FNDC3B: variants seen among roughly 807,000 people sequenced by gnomAD.
FNDC3B encodes fibronectin type III domain containing 3B.
FNDC3B carries 12 observed loss-of-function variants against 151.5 expected under a neutral mutation model. The ratio of observed to expected loss-of-function variants is 0.08; its 90% CI spans 0.05 to 0.13. FNDC3B has a LOEUF of 0.13. Among genes scored for constraint, FNDC3B ranks in the 10% least tolerant of loss-of-function variants. FNDC3B has a pLI of 1.00. For synonymous variants in FNDC3B, 528 were observed against 549.0 expected (o/e 0.96, Z 0.54); for missense variants, 1,214 against 1,505.3 (o/e 0.81, Z 3.20).
chr3:172,319,408 TTTTC>T (rs1731973043), intron 11 of FNDC3B, among the ~76,000 whole-genome samples: 1 of 151,910 alleles, frequency 6.6e-6, no homozygotes, highest in African/African-American at 2.4e-5. Flanking sequence ...CATAGGAAAA[TTTTC>T]TTTGTGTGTT....
chr3:172,215,995 G>A (rs1725957689), intron 3 of FNDC3B, among the ~76,000 whole-genome samples: 1 of 149,104 alleles, frequency 6.7e-6, no homozygotes, highest in African/African-American at 2.5e-5. Context: ...TCCGTCTTGA[G>A]TTTGTTATTA....
intron 1 of FNDC3B, among the ~76,000 whole-genome samples, chr3:172,103,885 C>T (rs983923661): frequency 6.6e-6 from 1 of 152,280 alleles, no homozygotes; most frequent in East Asian, 1.9e-4. Context: ...TGGGCACATA[C>T]CTCCAGGTAC....
chr3:172,181,916 G>A (rs77566766), intron 3 of FNDC3B, among the ~76,000 whole-genome samples: 3,199 of 150,268 alleles, frequency 0.021, 41 homozygotes, highest in Non-Finnish European at 0.034. Flanking sequence ...TAGTCTCAGT[G>A]TTTCCCAGAC....
chr3:172,263,850 A>G (rs76942624), intron 6 of FNDC3B, among the ~76,000 whole-genome samples: 4 of 152,192 alleles, frequency 2.6e-5, no homozygotes, highest in African/African-American at 9.6e-5. Context: ...TTGCTATTGC[A>G]TTAGCATTCC....
rs536282678 is a variant in FNDC3B at position 172,280,010 on chromosome 3, G to A, written c.791-5916G>A. 2.1e-4 allele frequency among the ~76,000 whole-genome samples: 32 copies of A among 152,208 alleles called. No individual in the cohort carries two copies. The South Asian group carries it at 6.0e-3, about 29-fold the overall frequency. ...CTCACTGCAGGCTTCAACTCCTCGG[G>A]TTCTAGCGATCCTCCCACCTCAGCC... On this transcript the variant is annotated intron_variant, in intron 6 of 25. Coordinates refer to ENST00000415807, the MANE Select transcript of FNDC3B (RefSeq NM_022763.4).
intron 21 of FNDC3B, among the ~76,000 whole-genome samples, chr3:172,350,936 T>G (rs1378315691): frequency 6.6e-6 from 1 of 152,220 alleles, no homozygotes; most frequent in African/African-American, 2.4e-5. Flanking sequence ...AAAACTAAGT[T>G]TTAGAGTACA....
At chr3:172,355,722 G>C (rs1476669919) in intron 22 of FNDC3B, among the ~76,000 whole-genome samples, 1 of 152,186 alleles carries the variant, frequency 6.6e-6, no homozygotes, top group Non-Finnish European at 1.5e-5. Flanking sequence ...ACATCATTAC[G>C]TTATAATGTC....
intron 6 of FNDC3B, among the ~76,000 whole-genome samples, chr3:172,273,474 A>G (rs1729296827): frequency 6.6e-6 from 1 of 152,090 alleles, no homozygotes; most frequent in Non-Finnish European, 1.5e-5. Flanking sequence ...TGTTCATTCT[A>G]TCTGATCATA....
At chr3:172,295,091 A>G (rs1249316248) in intron 7 of FNDC3B, among the ~76,000 whole-genome samples, 5 of 152,238 alleles carry the variant, frequency 3.3e-5, no homozygotes, top group Non-Finnish European at 7.3e-5. Flanking sequence ...ACGTTAAAAA[A>G]AAATTCCCTC....
intron 1 of FNDC3B, among the ~76,000 whole-genome samples, chr3:172,094,895 C>T (rs1173914424): frequency 1.3e-5 from 2 of 151,684 alleles, no homozygotes; most frequent in African/African-American, 4.8e-5. Flanking sequence ...ACAGAAGGGA[C>T]ATGACAGGGA....
intron 1 of FNDC3B, among the ~76,000 whole-genome samples, chr3:172,058,668 G>T (rs1420991524): frequency 6.6e-6 from 1 of 152,110 alleles, no homozygotes; most frequent in African/African-American, 2.4e-5. Flanking sequence ...GAAAGGACTT[G>T]CTTGAAATCA....
intron 3 of FNDC3B, among the ~76,000 whole-genome samples, chr3:172,140,498 A>C (rs1397683294): frequency 1.3e-5 from 2 of 152,226 alleles, no homozygotes. Flanking sequence ...ACTGATGCAC[A>C]GCTATTTGTT....
chr3:172,143,711 C>G (rs1721749721), intron 3 of FNDC3B, among the ~76,000 whole-genome samples: 1 of 151,872 alleles, frequency 6.6e-6, no homozygotes, highest in South Asian at 2.1e-4. Flanking sequence ...GAGATTGAGA[C>G]CATCCTGGCC....
At chr3:172,109,703 C>G (rs1201413848) in intron 1 of FNDC3B, among the ~76,000 whole-genome samples, 3 of 152,212 alleles carry the variant, frequency 2.0e-5, no homozygotes, top group African/African-American at 4.8e-5. Context: ...CTCCCTGTCT[C>G]CCCTTCCTCC....
intron 11 of FNDC3B, among the ~76,000 whole-genome samples, chr3:172,314,266 C>T (rs1046626912): frequency 3.3e-5 from 5 of 152,180 alleles, no homozygotes; most frequent in African/African-American, 1.2e-4. Context: ...TCCAGCCACA[C>T]ACCCATAAAC....
chr3:172,334,903 G>T (rs373427359), intron 14 of FNDC3B, 41 bp from the exon 15 acceptor site: 1 of 1,586,050 alleles, frequency 6.3e-7, no homozygotes, highest in South Asian at 1.1e-5. Flanking sequence ...AATGATCCCT[G>T]ATAACTAAAT....
At chr3:172,144,308 C>T (rs904473399) in intron 3 of FNDC3B, among the ~76,000 whole-genome samples, 1 of 152,174 alleles carries the variant, frequency 6.6e-6, no homozygotes. Flanking sequence ...AGTCACCTCC[C>T]AGCAGGCCCC....
intron 2 of FNDC3B, among the ~76,000 whole-genome samples, chr3:172,120,734 G>T (rs1720499179): frequency 6.6e-6 from 1 of 152,060 alleles, no homozygotes; most frequent in Non-Finnish European, 1.5e-5. Flanking sequence ...AGCACTTTTG[G>T]GAGGCCGAGG....
intron 3 of FNDC3B, among the ~76,000 whole-genome samples, chr3:172,138,269 G>T (rs934434929): frequency 6.6e-6 from 1 of 152,176 alleles, no homozygotes; most frequent in East Asian, 1.9e-4. Flanking sequence ...TGTGAATTCA[G>T]TTGTGACAGG....
Sources: allele counts gnomAD v4.1 joint callset (sites outside exome capture counted in the v4.1 genomes callset), GRCh38; gene constraint gnomAD v4.1.1; transcripts MANE v1.5; gene names NCBI Gene and HGNC (gene_info 2026-07-23, HGNC 2026-07-21).